TRPA1: variants seen among roughly 807,000 people sequenced by gnomAD.
TRPA1 encodes the protein ankyrin-like with transmembrane domains 1.
Under a neutral mutation model 131.3 loss-of-function variants are expected in TRPA1, and 129 were observed. The observed-to-expected ratio is 0.98, with a 90% CI of 0.85 to 1.14. TRPA1 has a LOEUF of 1.14. Among genes scored for constraint, TRPA1 ranks in the 50% most tolerant of loss-of-function variants. The pLI, the probability that TRPA1 is intolerant of heterozygous loss-of-function variation, is 0.00. For missense variants in TRPA1, 1,304 were observed against 1,354.2 expected (o/e 0.96, Z 0.58); for synonymous variants, 441 against 451.7 (o/e 0.98, Z 0.30).
chr8:72,075,859 A>AGTGTGTGTGTGTGTGT (rs61575164), upstream of TRPA1, among the ~76,000 whole-genome samples: 4 of 135,030 alleles, frequency 3.0e-5, no homozygotes, highest in Non-Finnish European at 3.2e-5. Flanking sequence ...CTTGCATGTG[A>AGTGTGTGTGTGTGTGT]GTGTGTGTGT....
At chr8:72,064,958 T>C (rs978068661) in intron 4 of TRPA1, among the ~76,000 whole-genome samples, 14 of 152,214 alleles carry the variant, frequency 9.2e-5, no homozygotes, top group African/African-American at 3.4e-4. Context: ...CATTACATCA[T>C]ACAGGGCTCT....
At chr8:72,078,806 T>C (rs1241620491), upstream of TRPA1, among the ~76,000 whole-genome samples, 1 of 152,056 alleles carries the variant, frequency 6.6e-6, no homozygotes, top group Non-Finnish European at 1.5e-5. Flanking sequence ...GTGATAAGTA[T>C]GTGTTTAGCT....
At chr8:72,036,919 A>G (rs906505460) in intron 20 of TRPA1, among the ~76,000 whole-genome samples, 2 of 152,192 alleles carry the variant, frequency 1.3e-5, no homozygotes, top group Admixed American at 1.3e-4. Flanking sequence ...GTATTTTCAA[A>G]CTTTTTATGT....
At chr8:72,084,734 C>T in the TRPA1 span, among the ~76,000 whole-genome samples, 1 of 148,310 alleles carries the variant, frequency 6.7e-6, no homozygotes, top group Non-Finnish European at 1.5e-5. Context: ...TCACTGCAAC[C>T]TCTGCCTCCC....
chr8:72,025,476 T>C (rs1036558829), intron 25 of TRPA1, among the ~76,000 whole-genome samples: 2 of 152,154 alleles, frequency 1.3e-5, no homozygotes, highest in Non-Finnish European at 2.9e-5. Context: ...CTACCCAGTC[T>C]CGGGCAGTTC....
chr8:72,065,371 G>C (rs1805906145), intron 4 of TRPA1, 80 bp downstream of exon 4: 1 of 1,263,956 alleles, frequency 7.9e-7, no homozygotes, highest in African/African-American at 1.5e-5. Context: ...AAAAACTTAA[G>C]AGATTTTGTA....
At position 72,023,833 on chromosome 8, in the gene TRPA1, T is replaced by C. The variant is rs1811484335; in HGVS notation, c.3130A>G (p.Ile1044Val). 1 of 1,584,914 alleles carries C rather than the reference T, an allele frequency of 6.3e-7. No individual in the cohort carries two copies. Among genetic ancestry groups the C allele is most frequent in the South Asian group, 1.1e-5 (1 of 90,338 alleles). ...PNADKSLEME[I>V]LKQKYRLKDL... is the part of the protein sequence containing the mutation. ...ACATACCGGTATTTCTGCTTTAATA[T>C]TTCCATTTCTAAAGATTTATCAGCA... The change falls in exon 26 of 27, where the codon ATA (isoleucine) becomes GTA (valine). Residue 1044 changes from isoleucine (I) to valine (V), a missense_variant. By Grantham distance (29) the Ile-to-Val change is conservative (BLOSUM62 3). Coordinates refer to ENST00000262209, the MANE Select transcript of TRPA1 (RefSeq NM_007332.3).
Position 72,047,180 on chromosome 8 carries a change from A to ATGTCTTT in TRPA1, c.1932_1933insAAAGACA (p.Ser645LysfsTer17), listed in dbSNP as rs752534406. Reference sequence around the variant, plus strand: ...TCTCGGCAGGACTTGTCTTCTGTGGAATGCAACATGCAGAAATCTAAAAGT... The same window carrying ATGTCTTT: ...TCTCGGCAGGACTTGTCTTCTGTGGATGTCTTTATGCAACATGCAGAAATCTAAAAGT... On this transcript the variant is annotated frameshift_variant, in exon 16 of 27. Coordinates refer to ENST00000262209, the MANE Select transcript of TRPA1 (RefSeq NM_007332.3). LOFTEE classifies it high-confidence loss of function. The ATGTCTTT allele has an allele frequency of 3.7e-6, 6 of 1,611,316 alleles. No individual in the cohort carries two copies. In the African/African-American group the frequency reaches 8.0e-5, roughly 22 times the overall value.
intron 23 of TRPA1, among the ~76,000 whole-genome samples, chr8:72,032,363 A>G (rs1401446307): frequency 6.6e-6 from 1 of 152,224 alleles, no homozygotes; most frequent in Non-Finnish European, 1.5e-5. Flanking sequence ...ATGAGGAACT[A>G]TGGCAGTCCA....
intron 17 of TRPA1, 56 bp downstream of exon 17, chr8:72,046,457 A>T (rs950467190): frequency 1.5e-4 from 36 of 234,046 alleles, no homozygotes; most frequent in Middle Eastern, 2.0e-3. Flanking sequence ...AAAGTATAAT[A>T]AAAAAAAAAA....
the TRPA1 span, among the ~76,000 whole-genome samples, chr8:72,084,168 A>G: frequency 6.6e-6 from 1 of 152,194 alleles, no homozygotes; most frequent in South Asian, 2.1e-4. Context: ...CTATGATACC[A>G]TTAAAATATG....
the TRPA1 span, among the ~76,000 whole-genome samples, chr8:72,085,907 T>G: frequency 6.6e-6 from 1 of 152,296 alleles, no homozygotes; most frequent in African/African-American, 2.4e-5. Context: ...TACTTTTTAT[T>G]TATTTATTTT....
chr8:72,054,296 G>A, intron 12 of TRPA1: 1 of 222,506 alleles, frequency 4.5e-6, no homozygotes, highest in Non-Finnish European at 9.0e-6. Flanking sequence ...AATAGTTATT[G>A]GTAATACTAC....
At chr8:72,067,202 C>A (rs1158233788) in intron 3 of TRPA1, among the ~76,000 whole-genome samples, 1 of 152,114 alleles carries the variant, frequency 6.6e-6, no homozygotes, top group African/African-American at 2.4e-5. Flanking sequence ...CTGGCAGGGG[C>A]TGGGTGTTTA....
Position 72,071,733 on chromosome 8 carries a change from G to C in TRPA1, c.246C>G (p.Ile82Met), listed in dbSNP as rs753117879. Reference protein sequence around the residue: ...AEGQIELMEKITRDSSLEVLH... With the variant: ...AEGQIELMEKMTRDSSLEVLH... ...TACCTTCCAAAGAGGAATCTCTGGT[G>C]ATCTTCTCCATTAGCTCAATTTGGC... The change falls in exon 2 of 27, where the codon ATC becomes ATG. Residue 82 changes from isoleucine (I) to methionine (M), a missense_variant. By Grantham distance (10) the Ile-to-Met change is conservative (BLOSUM62 1). Coordinates refer to ENST00000262209, the MANE Select transcript of TRPA1 (RefSeq NM_007332.3). 1.2e-5 allele frequency: 19 copies of C among 1,613,646 alleles called. 1 individual carries two copies. The South Asian group carries it at 2.0e-4, about 17-fold the overall frequency.
At chr8:72,059,544 A>T in intron 7 of TRPA1, 106 bp from the exon 8 acceptor site, 1 of 689,290 alleles carries the variant, frequency 1.5e-6, no homozygotes, top group Non-Finnish European at 2.5e-6. Context: ...CTAATCATAA[A>T]ATAACATGAT....
Position 72,066,606 on chromosome 8 carries a change from A to G in TRPA1, c.445-1048T>C, listed in dbSNP as rs78176988. On this transcript the variant is annotated intron_variant, in intron 3 of 26. Coordinates refer to ENST00000262209, the MANE Select transcript of TRPA1 (RefSeq NM_007332.3). Reference sequence around the variant, plus strand: ...GAAAATTAAACTCAGATTTTAGTACATAAGAATAGGTGGAGAAATGATTGA... The same window carrying G: ...GAAAATTAAACTCAGATTTTAGTACGTAAGAATAGGTGGAGAAATGATTGA... Among the ~76,000 whole-genome samples the G allele has an allele frequency of 8.7e-3, 1,331 of 152,320 alleles. 25 individuals carry two copies. The highest frequency in any genetic ancestry group is 0.03 in the African/African-American group (1,244 of 41,576).
chr8:72,038,036 A>C lies in TRPA1; in HGVS notation c.2332T>G (p.Phe778Val). ...CAATACCCAAATATACTTGATAAAA[A>C]CACTAAAATCATACAAGTTTTTATT... Reference protein sequence around the residue: ...YLIKTCMILVFLSSIFGYCKE... With the variant: ...YLIKTCMILVVLSSIFGYCKE... Residue 778 changes from phenylalanine to valine, a missense_variant, in exon 20 of 27, where the codon TTT (phenylalanine) becomes GTT (valine). Coordinates refer to ENST00000262209, the MANE Select transcript of TRPA1 (RefSeq NM_007332.3). The C allele has an allele frequency of 6.2e-7, 1 of 1,600,104 alleles. No homozygotes were observed. Among genetic ancestry groups the C allele is most frequent in the Middle Eastern group, 1.7e-4 (1 of 6,028 alleles).
chr8:72,047,096 C>T, intron 16 of TRPA1, 52 bp downstream of exon 16: 2 of 1,343,032 alleles, frequency 1.5e-6, no homozygotes, highest in Non-Finnish European at 2.1e-6. Context: ...TAATATTTTT[C>T]AAAGAATTAT....
Sources: allele counts gnomAD v4.1 joint callset (sites outside exome capture counted in the v4.1 genomes callset), GRCh38; gene constraint gnomAD v4.1.1; transcripts MANE v1.5; gene names NCBI Gene and HGNC (gene_info 2026-07-23, HGNC 2026-07-21).